Variants in POU6F2 observed in about 807,000 individuals in gnomAD.
POU6F2 encodes the protein POU class 6 homeobox 2.
POU6F2 carries 31 observed loss-of-function variants against 71.3 expected under a neutral mutation model. That is an observed-to-expected ratio of 0.43 (90% confidence interval 0.33 to 0.59). POU6F2 has a LOEUF of 0.59. Ranked by LOEUF, POU6F2 falls within the 20% of genes least tolerant of loss-of-function variation. The pLI, the probability that POU6F2 is intolerant of heterozygous loss-of-function variation, is 0.04. For synonymous variants in POU6F2, 347 were observed against 355.7 expected (o/e 0.98, Z 0.27); for missense variants, 783 against 856.8 (o/e 0.91, Z 1.07).
At chr7:39,018,694 C>T (rs1274410194) in intron 1 of POU6F2, among the ~76,000 whole-genome samples, 1 of 151,948 alleles carries the variant, frequency 6.6e-6, no homozygotes, top group East Asian at 1.9e-4. Flanking sequence ...TCCAATGTTT[C>T]CAATAATCAC....
At chr7:39,074,758 G>C (rs75177216) in intron 1 of POU6F2, among the ~76,000 whole-genome samples, 1,632 of 152,202 alleles carry the variant, frequency 0.011, 35 homozygotes, top group African/African-American at 0.037. Flanking sequence ...AGGCTAAGGA[G>C]CTTCTCCACA....
chr7:39,308,951 T>C (rs1278598916), intron 4 of POU6F2, among the ~76,000 whole-genome samples: 2 of 152,204 alleles, frequency 1.3e-5, no homozygotes, highest in Admixed American at 1.3e-4. Flanking sequence ...TCTCAGAACT[T>C]CTCCCTCAGT....
chr7:39,206,344 C>T (rs953927533), intron 3 of POU6F2, among the ~76,000 whole-genome samples: 1 of 152,036 alleles, frequency 6.6e-6, no homozygotes, highest in Admixed American at 6.6e-5. Context: ...CAAAACATGC[C>T]GAGCAGTTGC....
chr7:39,335,647 C>A (rs1785755099), intron 4 of POU6F2, among the ~76,000 whole-genome samples: 1 of 152,236 alleles, frequency 6.6e-6, no homozygotes, highest in Non-Finnish European at 1.5e-5. Context: ...ATATGTATAA[C>A]ATGGCAATAA....
chr7:39,433,312 G>A lies in POU6F2; in HGVS notation c.1320+29G>A. ...AATGTTCCAGGCCAAGGCAGCCATG[G>A]CACAGGACACTGTCCTTACCCAGCT... On this transcript the variant is annotated intron_variant, in intron 7 of 9. Coordinates refer to ENST00000518318, the MANE Select transcript of POU6F2 (RefSeq NM_001370959.1). 2.5e-6 allele frequency: 4 copies of A among 1,612,512 alleles called. No homozygotes were observed. The South Asian group carries it at 3.3e-5, about 13-fold the overall frequency.
intron 2 of POU6F2, among the ~76,000 whole-genome samples, chr7:39,195,102 T>G (rs992042770): frequency 1.2e-4 from 18 of 152,232 alleles, no homozygotes; most frequent in African/African-American, 4.3e-4. Context: ...AATTAAAATT[T>G]TTTTCTTGGA....
In POU6F2 at chr7:39,003,557, G is replaced by A. The variant is rs571832990; in HGVS notation, c.105+25499G>A. On this transcript the variant is annotated intron_variant, in intron 1 of 9. Coordinates refer to ENST00000518318, the MANE Select transcript of POU6F2 (RefSeq NM_001370959.1). ...GATCGAGACCATCGGGTCTAACATG[G>A]TGAAACCCCGTCTCTACTAAAAATA... Among the ~76,000 whole-genome samples, 20 of 142,800 alleles carry A rather than the reference G, an allele frequency of 1.4e-4. No individual in the cohort carries two copies. The South Asian group carries it at 4.4e-3, about 31-fold the overall frequency. 93.7% of individuals were successfully genotyped at this position (142,800 alleles called of 152,430 possible). A position where few individuals can be genotyped will look rare whatever the true frequency, so the allele number is the denominator to read the frequency against.
intron 1 of POU6F2, among the ~76,000 whole-genome samples, chr7:39,015,681 G>T (rs1789472964): frequency 1.1e-4 from 2 of 18,370 alleles, no homozygotes; most frequent in African/African-American, 2.6e-4. Context: ...TTATATCTAT[G>T]TTATATATCT....
intron 1 of POU6F2, among the ~76,000 whole-genome samples, chr7:39,081,850 G>C (rs2128720051): frequency 6.6e-6 from 1 of 152,290 alleles, no homozygotes; most frequent in East Asian, 1.9e-4. Context: ...CATAAGCCTT[G>C]AATTTTTCAC....
chr7:39,097,471 G>A (rs1259850243), intron 2 of POU6F2, among the ~76,000 whole-genome samples: 2 of 152,094 alleles, frequency 1.3e-5, no homozygotes, highest in Non-Finnish European at 2.9e-5. Flanking sequence ...CCTTTGCTGT[G>A]AAGTGTTTTG....
intron 1 of POU6F2, among the ~76,000 whole-genome samples, chr7:39,068,348 T>C (rs1479207539): frequency 1.3e-5 from 2 of 152,110 alleles, no homozygotes; most frequent in Non-Finnish European, 2.9e-5. Context: ...CAAGACCTAG[T>C]TGGAAGCACA....
chr7:39,403,246 T>G (rs1787345033), intron 5 of POU6F2, among the ~76,000 whole-genome samples: 1 of 152,334 alleles, frequency 6.6e-6, no homozygotes, highest in Non-Finnish European at 1.5e-5. Flanking sequence ...GAAAACTGTC[T>G]TAAGATATCA....
intron 4 of POU6F2, among the ~76,000 whole-genome samples, chr7:39,288,629 T>C (rs1218431547): frequency 6.6e-6 from 1 of 152,212 alleles, no homozygotes; most frequent in Non-Finnish European, 1.5e-5. Context: ...ATAGTCATCA[T>C]AGTTTTCAAC....
In POU6F2 at chr7:39,378,977, G is replaced by A. The variant is rs145770773; in HGVS notation, c.973-27623G>A. Among the ~76,000 whole-genome samples, 324 of 152,284 alleles carry A rather than the reference G, an allele frequency of 2.1e-3. 1 individual carries two copies. The highest frequency in any genetic ancestry group is 7.6e-3 in the African/African-American group (317 of 41,570). On this transcript the variant is annotated intron_variant, in intron 5 of 9. Transcript: ENST00000518318. The stretch of plus-strand genomic sequence containing the variant: ...TTAAACATGAAAGATGCTAGAGGTG[G>A]ATCAAGAATGACCTTGCAATAGTCC...
intron 4 of POU6F2, among the ~76,000 whole-genome samples, chr7:39,287,400 G>A (rs1484331702): frequency 6.6e-6 from 1 of 152,016 alleles, no homozygotes; most frequent in African/African-American, 2.4e-5. Context: ...AATGCACAAC[G>A]CCTTAAAGCT....
chr7:39,418,508 T>C (rs902619196), intron 6 of POU6F2, among the ~76,000 whole-genome samples: 1 of 151,890 alleles, frequency 6.6e-6, no homozygotes, highest in African/African-American at 2.4e-5. Context: ...TGGCCAACAT[T>C]GTGAAACCAT....
chr7:39,314,189 A>T lies in POU6F2; in HGVS notation c.599-25453A>T, dbSNP rs1263331769. Among the ~76,000 whole-genome samples the T allele has an allele frequency of 5.3e-5, 8 of 152,310 alleles. No homozygotes were observed. In the East Asian group the frequency reaches 1.5e-3, roughly 29 times the overall value. ...TCCTACTGGCTGCACTTTGAATCAC[A>T]ACACTCCCGGCGTGTGGGAGTCCAG... On this transcript the variant is annotated intron_variant, in intron 4 of 9. Transcript: ENST00000518318.
At chr7:39,139,702 T>C (rs1765506717) in intron 2 of POU6F2, among the ~76,000 whole-genome samples, 1 of 152,190 alleles carries the variant, frequency 6.6e-6, no homozygotes, top group Non-Finnish European at 1.5e-5. Flanking sequence ...GAAGAGGATT[T>C]CTTTGAATCA....
At chr7:39,141,809 C>G (rs532480221) in intron 2 of POU6F2, among the ~76,000 whole-genome samples, 1 of 152,264 alleles carries the variant, frequency 6.6e-6, no homozygotes, top group East Asian at 1.9e-4. Context: ...CACACCAGAC[C>G]GGGCACGGTG....
Sources: allele counts gnomAD v4.1 joint callset (sites outside exome capture counted in the v4.1 genomes callset), GRCh38; gene constraint gnomAD v4.1.1; transcripts MANE v1.5; gene names NCBI Gene and HGNC (gene_info 2026-07-23, HGNC 2026-07-21).